Variants in FOXN3 observed in about 807,000 individuals in gnomAD.
FOXN3 encodes forkhead box protein N3.
Under a neutral mutation model 38.4 loss-of-function variants are expected in FOXN3, and 7 were observed. That is an observed-to-expected ratio of 0.18 (90% CI 0.10 to 0.34). FOXN3 has a LOEUF of 0.34. Ranked by LOEUF, FOXN3 falls within the 10% of genes least tolerant of loss-of-function variation. FOXN3 has a pLI of 1.00. For synonymous variants in FOXN3, 230 were observed against 242.2 expected (o/e 0.95, Z 0.47); for missense variants, 456 against 613.4 (o/e 0.74, Z 2.71).
chr14:89,409,933 T>C (rs1891497490), intron 2 of FOXN3, among the ~76,000 whole-genome samples: 1 of 152,196 alleles, frequency 6.6e-6, no homozygotes, highest in Non-Finnish European at 1.5e-5. Flanking sequence ...CATACTTTGA[T>C]GGTTACAGCT....
intron 4 of FOXN3, among the ~76,000 whole-genome samples, chr14:89,182,710 A>T (rs1205861815): frequency 6.6e-6 from 1 of 152,258 alleles, no homozygotes; most frequent in African/African-American, 2.4e-5. Context: ...AATTTATCTT[A>T]TCTGATTTTC....
intron 1 of FOXN3, among the ~76,000 whole-genome samples, chr14:89,460,807 G>A (rs544620704): frequency 6.6e-6 from 1 of 152,012 alleles, no homozygotes; most frequent in Admixed American, 6.6e-5. Context: ...GAGGCGGGCA[G>A]ATCACCTGAG....
At chr14:89,605,754 G>A (rs1196925345) in intron 1 of FOXN3, among the ~76,000 whole-genome samples, 1 of 152,060 alleles carries the variant, frequency 6.6e-6, no homozygotes, top group East Asian at 1.9e-4. Flanking sequence ...TAACTAAGCT[G>A]TCAGAAAAAT....
At chr14:89,166,995 T>C (rs1350478269) in intron 5 of FOXN3, among the ~76,000 whole-genome samples, 3 of 151,398 alleles carry the variant, frequency 2.0e-5, no homozygotes, top group Middle Eastern at 3.2e-3. Flanking sequence ...AAAGTGAACA[T>C]GTGATACATC....
At chr14:89,226,565 C>G (rs1376571873) in intron 4 of FOXN3, among the ~76,000 whole-genome samples, 1 of 152,088 alleles carries the variant, frequency 6.6e-6, no homozygotes, top group African/African-American at 2.4e-5. Flanking sequence ...TATTTACTCG[C>G]TAGAGTAGTA....
At chr14:89,378,291 G>T (rs919428657) in intron 2 of FOXN3, among the ~76,000 whole-genome samples, 5 of 152,156 alleles carry the variant, frequency 3.3e-5, no homozygotes, top group Admixed American at 3.3e-4. Context: ...AGCTACTCAG[G>T]ATGATGTCAT....
intron 1 of FOXN3, among the ~76,000 whole-genome samples, chr14:89,444,007 C>CAAAAAAAAAAAAAAAA: frequency 1.5e-5 from 1 of 67,638 alleles, no homozygotes; most frequent in Non-Finnish European, 2.6e-5. Flanking sequence ...GAAACTCTGT[C>CAAAAAAAAAAAAAAAA]AAAAAAAAAA....
At chr14:89,605,938 G>A (rs1224815776) in intron 1 of FOXN3, among the ~76,000 whole-genome samples, 2 of 151,750 alleles carry the variant, frequency 1.3e-5, no homozygotes, top group African/African-American at 4.8e-5. Flanking sequence ...AATATAGCAA[G>A]ACCCCATCTC....
chr14:89,375,756 T>G (rs1890460944), intron 2 of FOXN3, among the ~76,000 whole-genome samples: 1 of 152,140 alleles, frequency 6.6e-6, no homozygotes, highest in African/African-American at 2.4e-5. Flanking sequence ...GTGTCCAGTT[T>G]CGGTTTATCT....
At chr14:89,242,666 G>A (rs1434998361) in intron 4 of FOXN3, among the ~76,000 whole-genome samples, 1 of 152,028 alleles carries the variant, frequency 6.6e-6, no homozygotes, top group Non-Finnish European at 1.5e-5. Flanking sequence ...AATTACACTG[G>A]GAAAATGCCC....
intron 1 of FOXN3, among the ~76,000 whole-genome samples, chr14:89,584,545 A>G (rs1261769206): frequency 1.3e-5 from 2 of 152,178 alleles, no homozygotes; most frequent in Admixed American, 1.3e-4. Context: ...ATCAACATTT[A>G]GTATAACTGG....
chr14:89,405,164 TCTCA>T (rs1190462859), intron 2 of FOXN3, among the ~76,000 whole-genome samples: 7 of 151,934 alleles, frequency 4.6e-5, no homozygotes, highest in African/African-American at 1.7e-4. Context: ...TGAGACAGAG[TCTCA>T]CTCTGTCGCT....
At position 89,449,161 on chromosome 14, in the gene FOXN3, T is replaced by C. The variant is rs149799516; in HGVS notation, c.-14-36671A>G. On this transcript the variant is annotated intron_variant, in intron 1 of 6. Transcript: ENST00000345097. ...CAAAGTACCCTCTAAATTCAATGTA[T>C]TCCTTTGTTTTGAGGTCTGCTTTTT... is the stretch of plus-strand genomic sequence containing the variant. Among the ~76,000 whole-genome samples, 1,025 of 152,326 alleles carry C rather than the reference T, an allele frequency of 6.7e-3. 10 individuals carry two copies. Among genetic ancestry groups the C allele is most frequent in the African/African-American group, 0.024 (978 of 41,560 alleles).
intron 1 of FOXN3, among the ~76,000 whole-genome samples, chr14:89,482,800 C>T (rs1268818328): frequency 1.3e-5 from 2 of 150,790 alleles, no homozygotes. Context: ...ATCCCAGCTA[C>T]TCAGGAGGCT....
intron 3 of FOXN3, among the ~76,000 whole-genome samples, chr14:89,340,896 C>T (rs561280118): frequency 3.3e-5 from 5 of 152,260 alleles, no homozygotes; most frequent in African/African-American, 9.6e-5. Context: ...AGTCCCATCA[C>T]GGTCTTGAAA....
At chr14:89,552,351 C>T (rs1197643067) in intron 1 of FOXN3, among the ~76,000 whole-genome samples, 1 of 152,196 alleles carries the variant, frequency 6.6e-6, no homozygotes, top group African/African-American at 2.4e-5. Flanking sequence ...GTCACCGTCA[C>T]GTGTATTATC....
intron 4 of FOXN3, among the ~76,000 whole-genome samples, chr14:89,227,006 G>A (rs956049038): frequency 5.3e-5 from 8 of 152,200 alleles, no homozygotes; most frequent in African/African-American, 1.2e-4. Flanking sequence ...AAGCCGCTCC[G>A]TGCTGGGTAC....
intron 4 of FOXN3, among the ~76,000 whole-genome samples, chr14:89,276,599 GTGGTTGAGAGGGTGGGACC>G (rs1468253135): frequency 3.9e-5 from 6 of 152,308 alleles, no homozygotes; most frequent in South Asian, 2.1e-4. Flanking sequence ...CGGGCTGTGA[GTGGTTGAGAGGGTGGGACC>G]TGGTTGAGAG....
intron 2 of FOXN3, among the ~76,000 whole-genome samples, chr14:89,360,475 AAG>A (rs987757474): frequency 2.1e-5 from 3 of 143,348 alleles, no homozygotes; most frequent in African/African-American, 7.8e-5. Context: ...GGGAAGGAGA[AAG>A]AGGGGAAGGA....
Sources: gnomAD v4.1 joint callset for allele counts (sites outside exome capture counted in the v4.1 genomes callset) on GRCh38, gnomAD v4.1.1 for gene constraint, MANE v1.5 for transcripts, NCBI Gene and HGNC (gene_info 2026-07-23, HGNC 2026-07-21) for gene names.